The following RECQL5 variants were observed in gnomAD, a reference collection of about 807,000 sequenced individuals.
RECQL5 encodes RecQ like helicase 5, also known as ATP-dependent DNA helicase Q5.
In RECQL5, 88 loss-of-function variants were observed where a neutral mutation model predicts 103.4. The observed-to-expected ratio is 0.85, with a 90% CI of 0.72 to 1.02. The LOEUF is 1.02. Among genes scored for constraint, RECQL5 ranks in the 50% least tolerant of loss-of-function variants. The pLI is 0.00. For synonymous variants in RECQL5, 552 were observed against 507.9 expected (o/e 1.09, Z -1.17); for missense variants, 1,232 against 1,284.3 (o/e 0.96, Z 0.62).
chr17:75,628,252 G>C lies in RECQL5; in HGVS notation c.2771C>G (p.Thr924Ser). Residue 924 changes from threonine to serine, a missense_variant, in exon 18 of 20, where the codon ACC becomes AGC. Coordinates refer to ENST00000317905, the MANE Select transcript of RECQL5 (RefSeq NM_004259.7). ...AAACTTGCCCTCCTTGTAGAAAGGG[G>C]TGAGGCACTTGACCACAACATTTGC... ...EAANVVVKCL[T>S]PFYKEGKFAS... 1 of 1,614,198 alleles carries C rather than the reference G, an allele frequency of 6.2e-7. No individual in the cohort carries two copies. Among genetic ancestry groups the C allele is most frequent in the Non-Finnish European group, 8.5e-7 (1 of 1,180,028 alleles).
chr17:75,665,148 A>T lies in RECQL5; in HGVS notation c.155T>A (p.Met52Lys). 1 of 1,611,368 alleles carries T rather than the reference A, an allele frequency of 6.2e-7. No individual in the cohort carries two copies. Among genetic ancestry groups the T allele is most frequent in the South Asian group, 1.1e-5 (1 of 90,424 alleles). ...VKGNKDVFVCMPTGAGKSLCY... is the reference protein window; with the variant it reads ...VKGNKDVFVCKPTGAGKSLCY... ...TAGGGATTTTCCTGCCCCTGTGGGC[A>T]TGCACACAAAGACGTCCTTGTTACC... The change falls in exon 3 of 20, where the codon ATG (methionine) becomes AAG (lysine). Residue 52 changes from methionine (M) to lysine (K), a missense_variant. Met to Lys is a moderately conservative substitution (Grantham distance 95, BLOSUM62 -1). Transcript: ENST00000317905.
chr17:75,655,357 C>A (rs2059604795), intron 7 of RECQL5, among the ~76,000 whole-genome samples: 2 of 151,764 alleles, frequency 1.3e-5, no homozygotes, highest in Non-Finnish European at 2.9e-5. Flanking sequence ...AAGCATGAGC[C>A]CCTGCGCCTG....
At chr17:75,642,841 G>A (rs868172813) in intron 8 of RECQL5, among the ~76,000 whole-genome samples, 3 of 152,246 alleles carry the variant, frequency 2.0e-5, no homozygotes, top group Non-Finnish European at 1.5e-5. Context: ...CATTCAACCA[G>A]CTGAAAAGGA....
chr17:75,645,819 G>A (rs4789223), intron 8 of RECQL5, among the ~76,000 whole-genome samples: 71,160 of 152,082 alleles, frequency 0.47, 18,871 homozygotes, highest in Non-Finnish European at 0.6. Context: ...ACGACATCCT[G>A]GCAACCCCAG....
Position 75,662,584 on chromosome 17 carries a change from C to A in RECQL5, c.666G>T (p.Arg222=). Residue 222 remains arginine (R), a synonymous_variant, in exon 4 of 20, where the codon CGG becomes CGT. Coordinates refer to ENST00000317905, the MANE Select transcript of RECQL5 (RefSeq NM_004259.7). ...ATTGCACATCATAGAAGAGGTTGGC[C>A]CGGAAGCAGGGAGTCTTGAAGATGG... The part of the protein sequence containing the change: ...PVAIFKTPCF[R]ANLFYDVQFK... The A allele has an allele frequency of 6.2e-7, 1 of 1,614,076 alleles. No individual in the cohort carries two copies. The highest frequency in any genetic ancestry group is 1.1e-5 in the South Asian group (1 of 91,086).
Position 75,657,843 on chromosome 17 carries a change from A to G in RECQL5, c.1149+455T>C, listed in dbSNP as rs545446388. ...GGCAGGCGGATCACGAGGTCATGAG[A>G]TCGAGACCATCCTGGCCAACATGGT... is the stretch of plus-strand genomic sequence containing the variant. On this transcript the variant is annotated intron_variant, in intron 7 of 19. Transcript: ENST00000317905. Among the ~76,000 whole-genome samples, 321 of 151,888 alleles carry G rather than the reference A, an allele frequency of 2.1e-3. 1 individual carries two copies. Among genetic ancestry groups the G allele is most frequent in the African/African-American group, 7.2e-3 (296 of 41,396 alleles).
Position 75,667,024 on chromosome 17 carries a change from C to T in RECQL5, c.-15+20G>A, listed in dbSNP as rs1175181529. 18 of 277,140 alleles carry T rather than the reference C, an allele frequency of 6.5e-5. No homozygotes were observed. Among genetic ancestry groups the T allele is most frequent in the Non-Finnish European group, 1.0e-4 (15 of 145,064 alleles). 17.2% of individuals were successfully genotyped at this position (277,140 alleles called of 1,614,324 possible). On this transcript the variant is annotated intron_variant, in intron 1 of 19. Coordinates refer to ENST00000317905, the MANE Select transcript of RECQL5 (RefSeq NM_004259.7). ...TCTCTCTTGGCTGGCCGACACCTCC[C>T]TCTCTTCACCCTAAGATATCAGAAC... is the stretch of plus-strand genomic sequence containing the variant.
intron 8 of RECQL5, chr17:75,647,655 C>T: frequency 7.9e-7 from 1 of 1,264,722 alleles, no homozygotes; most frequent in South Asian, 1.4e-5. Flanking sequence ...TTCCCTCTGG[C>T]TCAGGGGCCA....
At chr17:75,634,903 T>G (rs2059289940) in intron 8 of RECQL5, among the ~76,000 whole-genome samples, 1 of 152,178 alleles carries the variant, frequency 6.6e-6, no homozygotes, top group African/African-American at 2.4e-5. Context: ...AACCGGGACC[T>G]CTGCTGTGCC....
rs1421280287 is a variant in RECQL5 at position 75,627,051 on chromosome 17, T to C, written c.*371A>G. 3 of 418,592 alleles carry C rather than the reference T, an allele frequency of 7.2e-6. No homozygotes were observed. Among genetic ancestry groups the C allele is most frequent in the Non-Finnish European group, 1.4e-5 (3 of 209,844 alleles). The allele number at this position is 418,592 out of a possible 1,614,324, so 25.9% of individuals were successfully genotyped here. ...GTGGGTGGAGGATCTGAGGGTCCCC[T>C]GGGTAGGTTCCGATACCTTGGACAG... On this transcript the variant is annotated 3_prime_UTR_variant, in exon 20 of 20. Transcript: ENST00000317905.
intron 4 of RECQL5, 45 bp from the exon 5 acceptor site, chr17:75,661,753 A>C: frequency 1.4e-6 from 2 of 1,424,684 alleles, no homozygotes; most frequent in Non-Finnish European, 9.9e-7. Flanking sequence ...GCAAGAACAG[A>C]ACAATAGGCC....
intron 4 of RECQL5, among the ~76,000 whole-genome samples, chr17:75,661,964 C>G (rs1167690202): frequency 6.6e-6 from 1 of 152,190 alleles, no homozygotes; most frequent in Non-Finnish European, 1.5e-5. Flanking sequence ...GAGTTAGAGA[C>G]CAGCCTGGGC....
intron 5 of RECQL5, among the ~76,000 whole-genome samples, chr17:75,661,339 T>C (rs940623762): frequency 2.0e-5 from 3 of 152,258 alleles, no homozygotes; most frequent in Admixed American, 1.3e-4. Flanking sequence ...GTGCTCTTCC[T>C]ACAACACCAT....
At position 75,627,169 on chromosome 17, in the gene RECQL5, C is replaced by T. The variant is rs111424961; in HGVS notation, c.*253G>A. ...TCCACCACCCTCCACCTTCTGTCCT[C>T]GACATGTGTCCCAGAAAACCCAGCC... On this transcript the variant is annotated 3_prime_UTR_variant, in exon 20 of 20. Coordinates refer to ENST00000317905, the MANE Select transcript of RECQL5 (RefSeq NM_004259.7). 369 of 607,426 alleles carry T rather than the reference C, an allele frequency of 6.1e-4. 1 individual carries two copies. The highest frequency in any genetic ancestry group is 1.3e-3 in the African/African-American group (74 of 55,028). The allele number at this position is 607,426 out of a possible 1,614,324, so 37.6% of individuals were successfully genotyped here. A position where few individuals can be genotyped will look rare whatever the true frequency, so the allele number is the denominator to read the frequency against.
In RECQL5 at chr17:75,631,222, C is replaced by A; in HGVS notation, c.1476G>T (p.Gly492=). ...TGTGGGCCTCATCTCTGCCTTCATC[C>A]CCGCTGCCTCCAGAACCTTCGTCAT... is the stretch of plus-strand genomic sequence containing the variant. ...SRYDEGSGGS[G]DEGRDEAHKR... The change falls in exon 10 of 20, where the codon GGG becomes GGT. Residue 492 remains glycine, a synonymous_variant. Coordinates refer to ENST00000317905, the MANE Select transcript of RECQL5 (RefSeq NM_004259.7). The A allele has an allele frequency of 6.2e-7, 1 of 1,613,914 alleles. No homozygotes were observed. The highest frequency in any genetic ancestry group is 8.5e-7 in the Non-Finnish European group (1 of 1,180,018).
chr17:75,664,904 C>T, intron 3 of RECQL5, 147 bp downstream of exon 3: 1 of 1,207,978 alleles, frequency 8.3e-7, no homozygotes, highest in Non-Finnish European at 1.1e-6. Flanking sequence ...CAGAGTAAGA[C>T]TCTGTCTCAA....
In RECQL5 at chr17:75,629,751, T is replaced by C. The variant is rs757867539; in HGVS notation, c.1904A>G (p.Glu635Gly). 6.2e-7 allele frequency: 1 copy of C among 1,613,548 alleles called. No individual in the cohort carries two copies. Among genetic ancestry groups the C allele is most frequent in the Non-Finnish European group, 8.5e-7 (1 of 1,179,760 alleles). Residue 635 changes from glutamate (E) to glycine (G), a missense_variant, in exon 15 of 20, where the codon GAG (glutamate) becomes GGG (glycine). Transcript: ENST00000317905. The part of the protein sequence containing the change: ...KSCSAQAEPP[E>G]PNEYDIPPAS... ...TGGTGGAATGTCATACTCATTGGGC[T>C]CCGGGGGCTCAGCTTGGGCACTGCA... is the stretch of plus-strand genomic sequence containing the variant.
intron 3 of RECQL5, 25 bp from the exon 4 acceptor site, chr17:75,663,022 A>G: frequency 1.9e-6 from 3 of 1,557,816 alleles, no homozygotes; most frequent in Non-Finnish European, 2.6e-6. Context: ...AGAGGCTGTA[A>G]CTGGCCCTCA....
At chr17:75,653,178 T>C (rs1017255115) in intron 7 of RECQL5, among the ~76,000 whole-genome samples, 2 of 152,124 alleles carry the variant, frequency 1.3e-5, no homozygotes, top group African/African-American at 4.8e-5. Context: ...TAGCAGGTGG[T>C]CCCCACAGCT....
Sources: allele counts gnomAD v4.1 joint callset (sites outside exome capture counted in the v4.1 genomes callset), GRCh38; gene constraint gnomAD v4.1.1; transcripts MANE v1.5; gene names NCBI Gene and HGNC (gene_info 2026-07-23, HGNC 2026-07-21).